Variants in SLC44A5 observed in about 807,000 individuals in gnomAD.
SLC44A5 encodes the protein choline transporter-like protein 5.
SLC44A5 carries 57 observed loss-of-function variants against 101.8 expected under a neutral mutation model. The ratio of observed to expected loss-of-function variants is 0.56; its 90% confidence interval spans 0.45 to 0.70. The LOEUF is 0.70. Ranked by LOEUF, SLC44A5 falls within the 30% of genes least tolerant of loss-of-function variation. The probability of loss-of-function intolerance (pLI) is 0.00; values close to 1 mark genes in which losing one functional copy is unlikely to be tolerated. For synonymous variants in SLC44A5, 281 were observed against 290.9 expected (o/e 0.97, Z 0.35); for missense variants, 737 against 853.1 (o/e 0.86, Z 1.70).
At chr1:75,708,869 G>C in the SLC44A5 span, among the ~76,000 whole-genome samples, 1 of 151,864 alleles carries the variant, frequency 6.6e-6, no homozygotes, top group African/African-American at 2.4e-5. Context: ...TTAATTTGTG[G>C]GGTTTTAAAA....
At chr1:75,442,741 C>T (rs554590791) in intron 2 of SLC44A5, among the ~76,000 whole-genome samples, 2 of 152,228 alleles carry the variant, frequency 1.3e-5, no homozygotes, top group African/African-American at 2.4e-5. Context: ...CTGCAGCCAT[C>T]GCTTCCCCCT....
chr1:75,405,896 A>AC (rs140800721), intron 2 of SLC44A5, among the ~76,000 whole-genome samples: 48,749 of 147,518 alleles, frequency 0.33, 9,149 homozygotes, highest in East Asian at 0.82. Flanking sequence ...AAAAAAAAAA[A>AC]CCCTTTAAAA....
the SLC44A5 span, among the ~76,000 whole-genome samples, chr1:75,663,684 A>T: frequency 2.0e-5 from 3 of 152,196 alleles, no homozygotes; most frequent in African/African-American, 7.2e-5. Context: ...CCCAGACCAG[A>T]TGGACTCACA....
chr1:75,620,895 T>A, the SLC44A5 span, among the ~76,000 whole-genome samples: 1 of 152,208 alleles, frequency 6.6e-6, no homozygotes, highest in Non-Finnish European at 1.5e-5. Flanking sequence ...GTTTTAGTCA[T>A]GAAATCTTTG....
chr1:75,206,656 T>C (rs1029473032), intron 23 of SLC44A5: 5 of 1,613,232 alleles, frequency 3.1e-6, no homozygotes, highest in South Asian at 1.1e-5. Flanking sequence ...CAGAATTCCA[T>C]GCAGGTTAGG....
At chr1:75,722,011 T>C in the SLC44A5 span, among the ~76,000 whole-genome samples, 1 of 152,200 alleles carries the variant, frequency 6.6e-6, no homozygotes, top group Non-Finnish European at 1.5e-5. Flanking sequence ...AAAGGTTTTA[T>C]AGGAAATGGT....
chr1:75,429,575 A>G (rs941827839), intron 2 of SLC44A5, among the ~76,000 whole-genome samples: 1 of 152,176 alleles, frequency 6.6e-6, no homozygotes, highest in African/African-American at 2.4e-5. Flanking sequence ...TATAAAGAAA[A>G]TGAGGTTTAT....
chr1:75,705,114 G>C, the SLC44A5 span, among the ~76,000 whole-genome samples: 1 of 152,098 alleles, frequency 6.6e-6, no homozygotes, highest in Non-Finnish European at 1.5e-5. Flanking sequence ...ATAAAAATCA[G>C]ATATATAGCA....
chr1:75,641,767 C>G, the SLC44A5 span: 1 of 1,575,792 alleles, frequency 6.3e-7, no homozygotes, highest in Non-Finnish European at 8.7e-7. Context: ...CCACTTTGTC[C>G]AGTGGAAATC....
At chr1:75,514,594 C>G (rs1392234050) in intron 2 of SLC44A5, among the ~76,000 whole-genome samples, 1 of 152,210 alleles carries the variant, frequency 6.6e-6, no homozygotes, top group Non-Finnish European at 1.5e-5. Flanking sequence ...TTTGGTACTT[C>G]ATTAAGTAAT....
chr1:75,341,620 T>C (rs1308958014), intron 3 of SLC44A5, among the ~76,000 whole-genome samples: 1 of 151,898 alleles, frequency 6.6e-6, no homozygotes, highest in Non-Finnish European at 1.5e-5. Context: ...CAACACTGTG[T>C]GGTAAGAGCT....
chr1:75,695,963 C>T, the SLC44A5 span, among the ~76,000 whole-genome samples: 1 of 145,594 alleles, frequency 6.9e-6, no homozygotes, highest in Admixed American at 6.9e-5. Context: ...GGAAACTAGC[C>T]TTTTTTTTTT....
intron 11 of SLC44A5, among the ~76,000 whole-genome samples, chr1:75,235,129 G>A (rs142533177): frequency 2.0e-4 from 30 of 152,112 alleles, no homozygotes; most frequent in African/African-American, 6.5e-4. Context: ...CTTTTAACTT[G>A]AGAAGTCATT....
chr1:75,250,325 C>T lies in SLC44A5; in HGVS notation c.345+885G>A, dbSNP rs140713825. On this transcript the variant is annotated intron_variant, in intron 7 of 23. Coordinates refer to ENST00000370859, the MANE Select transcript of SLC44A5 (RefSeq NM_001130058.2). ...GCTCCATCCATGTCTCTGCGAGGGA[C>T]GTGACCTTGTTCTTTTTTATGGCTG... Among the ~76,000 whole-genome samples the T allele has an allele frequency of 5.0e-3, 757 of 152,250 alleles. 4 individuals carry two copies. The highest frequency in any genetic ancestry group is 0.018 in the African/African-American group (735 of 41,554).
the SLC44A5 span, among the ~76,000 whole-genome samples, chr1:75,665,217 A>G: frequency 3.3e-5 from 5 of 152,232 alleles, no homozygotes; most frequent in African/African-American, 1.2e-4. Context: ...CTATAAGGCT[A>G]CAATAACCAA....
intron 2 of SLC44A5, among the ~76,000 whole-genome samples, chr1:75,470,243 A>G (rs930983135): frequency 1.9e-4 from 29 of 152,208 alleles, no homozygotes; most frequent in African/African-American, 6.0e-4. Context: ...TTGGTTTTCA[A>G]GAACCCTAGG....
intron 6 of SLC44A5, among the ~76,000 whole-genome samples, chr1:75,271,547 A>G (rs921631090): frequency 6.7e-6 from 1 of 149,008 alleles, no homozygotes; most frequent in Non-Finnish European, 1.5e-5. Context: ...GCTCTCACTT[A>G]TAAGTAAGAA....
At chr1:75,292,094 T>G (rs1032486623) in intron 5 of SLC44A5, among the ~76,000 whole-genome samples, 3 of 152,066 alleles carry the variant, frequency 2.0e-5, no homozygotes, top group Non-Finnish European at 4.4e-5. Context: ...TAGGATTTTC[T>G]ATGATGAACT....
chr1:75,716,133 A>G, the SLC44A5 span, among the ~76,000 whole-genome samples: 2 of 152,212 alleles, frequency 1.3e-5, no homozygotes, highest in South Asian at 4.1e-4. Context: ...ACCAGTCAGA[A>G]TCTCTATCAT....
Sources: gnomAD v4.1 joint callset for allele counts (sites outside exome capture counted in the v4.1 genomes callset) on GRCh38, gnomAD v4.1.1 for gene constraint, MANE v1.5 for transcripts, NCBI Gene and HGNC (gene_info 2026-07-23, HGNC 2026-07-21) for gene names.